TRIM2: variants seen among roughly 807,000 people sequenced by gnomAD.
TRIM2 encodes the protein tripartite motif-containing protein 2.
TRIM2 carries 20 observed loss-of-function variants against 75.2 expected under a neutral mutation model. The observed-to-expected ratio is 0.27, with a 90% CI of 0.19 to 0.39. The LOEUF is 0.39. Ranked by LOEUF, TRIM2 falls within the 10% of genes least tolerant of loss-of-function variation. The pLI is 1.00. For missense variants in TRIM2, 660 were observed against 990.8 expected (o/e 0.67, Z 4.48); for synonymous variants, 373 against 388.3 (o/e 0.96, Z 0.46).
Position 153,198,605 on chromosome 4 carries a change from C to G in TRIM2, c.-49+45335C>G, listed in dbSNP as rs1334876230. On this transcript the variant is annotated intron_variant, in intron 1 of 11. Transcript: ENST00000437508. ...CATCTATGTATTATCCAAAGGGCCT[C>G]TGTTGTGACTTCACCCAGTTCCATT... Among the ~76,000 whole-genome samples, 3 of 152,200 alleles carry G rather than the reference C, an allele frequency of 2.0e-5. No individual in the cohort carries two copies. The East Asian group carries it at 5.8e-4, about 29-fold the overall frequency.
At chr4:153,250,801 ACTGCAAATACAGCCCGG>A (rs1312149093) in intron 1 of TRIM2, among the ~76,000 whole-genome samples, 4 of 152,182 alleles carry the variant, frequency 2.6e-5, no homozygotes, top group Non-Finnish European at 5.9e-5. Flanking sequence ...GGTCACCTTT[ACTGCAAATACAGCCCGG>A]CTGCAAAGGG....
chr4:153,221,980 A>AAAGAGCG (rs1343334750), intron 1 of TRIM2, among the ~76,000 whole-genome samples: 4 of 42,680 alleles, frequency 9.4e-5, no homozygotes, highest in African/African-American at 3.6e-4. Flanking sequence ...GGGAGGAAGG[A>AAAGAGCG]AGGAAGGGAG....
At chr4:153,172,141 ATT>A (rs11418854) in intron 1 of TRIM2, among the ~76,000 whole-genome samples, 3,311 of 148,958 alleles carry the variant, frequency 0.022, 133 homozygotes, top group African/African-American at 0.075. Flanking sequence ...TATGATAGTA[ATT>A]TTTTTTTTTT....
chr4:153,295,230 TCCTTCTCGC>T lies in TRIM2; in HGVS notation c.787-81_787-73del. ...CACCTGCGTGGGCAGGTGTAGAGTC[TCCTTCTCGC>T]CGGTGGAGGGCACTGCCCCGGGCTA... is the stretch of plus-strand genomic sequence containing the variant. On this transcript the variant is annotated intron_variant, in intron 5 of 11. Transcript: ENST00000338700. The surrounding 1 kb of genome is among the most constrained non-coding windows in gnomAD (Gnocchi z 7.2). 2.1e-6 allele frequency: 3 copies of T among 1,432,406 alleles called. No homozygotes were observed. The highest frequency in any genetic ancestry group is 2.9e-5 in the Admixed American group (1 of 34,754). The allele number at this position is 1,432,406 out of a possible 1,614,324, so 88.7% of individuals were successfully genotyped here. A position where few individuals can be genotyped will look rare whatever the true frequency, so the allele number is the denominator to read the frequency against.
At chr4:153,186,535 T>TGTC (rs1732614588) in intron 1 of TRIM2, among the ~76,000 whole-genome samples, 1 of 152,212 alleles carries the variant, frequency 6.6e-6, no homozygotes, top group Non-Finnish European at 1.5e-5. Context: ...TCTAGTGCTT[T>TGTC]GTCTCTAAGG....
rs917582222 is a variant in TRIM2, at chr4:153,293,026, G to A, written c.498G>A (p.Arg166=). Residue 166 remains arginine, a synonymous_variant, in exon 4 of 12, where the codon CGG becomes CGA. Transcript: ENST00000338700. ...AGTCCTGTGAGACTGCCATGTGTCG[G>A]GAGTGCACGGAGGGGGAGCACGCAG... ...YCQSCETAMC[R]ECTEGEHAEH... 4 of 1,613,314 alleles carry A rather than the reference G, an allele frequency of 2.5e-6. No homozygotes were observed. In the African/African-American group the frequency reaches 5.3e-5, roughly 22 times the overall value.
intron 1 of TRIM2, among the ~76,000 whole-genome samples, chr4:153,238,839 C>G (rs747225790): frequency 2.4e-4 from 37 of 152,320 alleles, no homozygotes; most frequent in Middle Eastern, 6.8e-3. Flanking sequence ...GATGGGGTCA[C>G]AGAGACAGAA....
intron 8 of TRIM2, among the ~76,000 whole-genome samples, chr4:153,320,002 G>T (rs1768584112): frequency 6.6e-6 from 1 of 151,984 alleles, no homozygotes; most frequent in South Asian, 2.1e-4. Flanking sequence ...ATATTATTTG[G>T]TTGAGTCATC....
At chr4:153,240,875 G>A (rs1746379173) in intron 1 of TRIM2, among the ~76,000 whole-genome samples, 2 of 152,192 alleles carry the variant, frequency 1.3e-5, no homozygotes, top group South Asian at 4.1e-4. Context: ...TCTGGAGTTT[G>A]AGACCAGCCT....
intron 3 of TRIM2, among the ~76,000 whole-genome samples, chr4:153,278,003 G>A (rs913537321): frequency 1.6e-4 from 24 of 152,196 alleles, no homozygotes; most frequent in African/African-American, 5.3e-4. Context: ...ATTTCTATCA[G>A]GTGTAAGAGT....
At chr4:153,202,571 C>T (rs1046380261), upstream of TRIM2, among the ~76,000 whole-genome samples, 2 of 152,006 alleles carry the variant, frequency 1.3e-5, no homozygotes, top group East Asian at 1.9e-4. Context: ...TGGCGGCATG[C>T]GCCTGTAGTC....
intron 1 of TRIM2, among the ~76,000 whole-genome samples, chr4:153,171,466 A>T (rs897557444): frequency 6.6e-5 from 10 of 152,140 alleles, no homozygotes; most frequent in Admixed American, 1.3e-4. Context: ...GGTGCCTGTA[A>T]TCCCAGCTAC....
At chr4:153,302,688 G>A (rs1764164076) in intron 6 of TRIM2, among the ~76,000 whole-genome samples, 1 of 152,206 alleles carries the variant, frequency 6.6e-6, no homozygotes, top group Non-Finnish European at 1.5e-5. Flanking sequence ...CAAATCAGCA[G>A]TGGAGGCTAC....
chr4:153,247,081 C>A (rs545942961), intron 1 of TRIM2, among the ~76,000 whole-genome samples: 1 of 152,328 alleles, frequency 6.6e-6, no homozygotes, highest in African/African-American at 2.4e-5. Flanking sequence ...CATTTCTCTT[C>A]TGATCTTTTT....
chr4:153,308,939 C>T (rs1765631490), intron 6 of TRIM2, among the ~76,000 whole-genome samples: 1 of 152,126 alleles, frequency 6.6e-6, no homozygotes, highest in Non-Finnish European at 1.5e-5. Context: ...ATTATAGGAC[C>T]TTCACCCCAT....
chr4:153,154,455 A>G (rs1473417876), intron 1 of TRIM2, among the ~76,000 whole-genome samples: 1 of 152,216 alleles, frequency 6.6e-6, no homozygotes, highest in Non-Finnish European at 1.5e-5. Context: ...TTCCTCATCC[A>G]TATAATGGGT....
intron 6 of TRIM2, 57 bp downstream of exon 6, chr4:153,296,093 G>A (rs1451068481): frequency 1.0e-5 from 15 of 1,495,840 alleles, no homozygotes; most frequent in African/African-American, 1.4e-5. Flanking sequence ...AGGGGTAACT[G>A]GGCACGTGTC....
Position 153,244,144 on chromosome 4 carries a change from G to GTTCTTC in TRIM2, c.31-26188_31-26183dup, listed in dbSNP as rs766874717. Among the ~76,000 whole-genome samples, 369 of 130,184 alleles carry GTTCTTC rather than the reference G, an allele frequency of 2.8e-3. 11 individuals carry two copies. Among genetic ancestry groups the GTTCTTC allele is most frequent in the Admixed American group, 4.1e-3 (56 of 13,590 alleles). 85.4% of individuals were successfully genotyped at this position (130,184 alleles called of 152,430 possible). A position where few individuals can be genotyped will look rare whatever the true frequency, so the allele number is the denominator to read the frequency against. On this transcript the variant is annotated intron_variant, in intron 1 of 11. Transcript: ENST00000338700. ...CCATCTTCTTCTTCTTCTTCTTCTT[G>GTTCTTC]TTCTTCTTGTTCTTCTTCTTCTTCT...
chr4:153,177,104 C>T (rs1044759885), intron 1 of TRIM2, among the ~76,000 whole-genome samples: 4 of 152,184 alleles, frequency 2.6e-5, no homozygotes, highest in Admixed American at 1.3e-4. Context: ...AACTGGCTTC[C>T]GCCTCAGGAG....
Sources: gnomAD v4.1 joint callset for allele counts (sites outside exome capture counted in the v4.1 genomes callset) on GRCh38, gnomAD v4.1.1 for gene constraint, Gnocchi (gnomAD v3.1) non-coding constraint, MANE v1.5 for transcripts, NCBI Gene and HGNC (gene_info 2026-07-23, HGNC 2026-07-21) for gene names.